The following CEP57 variants were observed in gnomAD, a reference collection of about 807,000 sequenced individuals.
The protein encoded by CEP57 is centrosomal protein of 57 kDa.
A neutral mutation model predicts 68.0 loss-of-function variants in CEP57; 40 were observed. That is an observed-to-expected ratio of 0.59 (90% CI 0.46 to 0.77). CEP57 has a LOEUF of 0.77. Ranked by LOEUF, CEP57 falls within the 30% of genes least tolerant of loss-of-function variation. CEP57 has a pLI of 0.00. For missense variants in CEP57, 606 were observed against 580.7 expected, an observed-to-expected ratio of 1.04 and a Z score of -0.45; for synonymous variants, 219 against 198.7, an observed-to-expected ratio of 1.10 and a Z score of -0.86.
chr11:95,817,280 T>C (rs1862336434), intron 4 of CEP57, among the ~76,000 whole-genome samples: 1 of 151,918 alleles, frequency 6.6e-6, no homozygotes, highest in African/African-American at 2.4e-5. Flanking sequence ...GGCAGGAGAA[T>C]GGCATGAACC....
intron 2 of CEP57, among the ~76,000 whole-genome samples, chr11:95,804,897 A>C (rs1354858136): frequency 1.3e-5 from 2 of 152,214 alleles, no homozygotes; most frequent in African/African-American, 4.8e-5. Flanking sequence ...TGTGTTTTCT[A>C]AATTATCCTC....
intron 5 of CEP57, 193 bp downstream of exon 5, chr11:95,818,096 T>A (rs77062285): frequency 3.6e-6 from 2 of 555,698 alleles, no homozygotes; most frequent in Admixed American, 3.1e-5. Context: ...CATTTTTTTT[T>A]ATGAAAATGT....
chr11:95,809,202 A>C (rs1242827876), intron 2 of CEP57, among the ~76,000 whole-genome samples: 1 of 152,230 alleles, frequency 6.6e-6, no homozygotes, highest in Non-Finnish European at 1.5e-5. Context: ...CATTCAAAGC[A>C]GTGTGTAGAG....
chr11:95,790,151 T>C, upstream of CEP57: 1 of 170,974 alleles, frequency 5.8e-6, no homozygotes, highest in Non-Finnish European at 1.3e-5. Flanking sequence ...AGGTAAATAC[T>C]TCACCTGGAG....
intron 5 of CEP57, among the ~76,000 whole-genome samples, chr11:95,818,281 G>T (rs1439377542): frequency 6.6e-6 from 1 of 151,658 alleles, no homozygotes; most frequent in South Asian, 2.1e-4. Flanking sequence ...GCATCGTGGC[G>T]CATGCCTGTA....
rs767687629 is a variant in CEP57, at chr11:95,790,697, A to C, written c.-2A>C. 6.2e-7 allele frequency: 1 copy of C among 1,613,992 alleles called. No individual in the cohort carries two copies. The highest frequency in any genetic ancestry group is 2.2e-5 in the East Asian group (1 of 44,874). ...GCGGAGACCCCCTGGGCAGGCTGAAAGATGGCGGCGGCGTCTGTCTCTGCG... is the reference window on the plus strand; with the variant it reads ...GCGGAGACCCCCTGGGCAGGCTGAACGATGGCGGCGGCGTCTGTCTCTGCG... On this transcript the variant is annotated 5_prime_UTR_variant, in exon 1 of 11. Coordinates refer to ENST00000325542, the MANE Select transcript of CEP57 (RefSeq NM_014679.5).
In CEP57 at chr11:95,832,069, C is replaced by T. The variant is rs1213317969; in HGVS notation, c.*813C>T. On this transcript the variant is annotated 3_prime_UTR_variant, in exon 11 of 11. Transcript: ENST00000325542. ...GGCATTATGGTTTTTAATCTTGAAACTTAGAGAACCCTTTGAATATTTGCT... is the reference window on the plus strand; with the variant it reads ...GGCATTATGGTTTTTAATCTTGAAATTTAGAGAACCCTTTGAATATTTGCT... 1 of 152,064 alleles carries T rather than the reference C, an allele frequency of 6.6e-6. No homozygotes were observed. Among genetic ancestry groups the T allele is most frequent in the Non-Finnish European group, 1.5e-5 (1 of 68,002 alleles). 9.4% of individuals were successfully genotyped at this position (152,064 alleles called of 1,614,324 possible). A position where few individuals can be genotyped will look rare whatever the true frequency, so the allele number is the denominator to read the frequency against.
At chr11:95,814,006 T>C (rs1862189492) in intron 4 of CEP57, among the ~76,000 whole-genome samples, 1 of 152,244 alleles carries the variant, frequency 6.6e-6, no homozygotes, top group South Asian at 2.1e-4. Flanking sequence ...TTAGGTGACC[T>C]GTACATTTGT....
chr11:95,812,897 G>A (rs376904579), intron 2 of CEP57, 35 bp from the exon 3 acceptor site: 8 of 1,597,006 alleles, frequency 5.0e-6, no homozygotes, highest in African/African-American at 2.7e-5. Context: ...CGCATATGCT[G>A]TTACAGCATC....
chr11:95,808,457 G>A (rs1464909061), intron 2 of CEP57, among the ~76,000 whole-genome samples: 3 of 152,182 alleles, frequency 2.0e-5, no homozygotes, highest in Non-Finnish European at 2.9e-5. Context: ...CCATCAGTGT[G>A]CTGTATTCAG....
chr11:95,820,351 G>GT (rs1862467957), intron 6 of CEP57, among the ~76,000 whole-genome samples: 1 of 151,990 alleles, frequency 6.6e-6, no homozygotes, highest in African/African-American at 2.4e-5. Flanking sequence ...TTTTATCATT[G>GT]TTAAAGAGTG....
intron 3 of CEP57, 152 bp from the exon 4 acceptor site, chr11:95,813,316 G>T (rs577100022): frequency 1.9e-6 from 2 of 1,047,280 alleles, no homozygotes; most frequent in South Asian, 1.5e-5. Context: ...TGACTAGCAC[G>T]TAGAAAGAAT....
chr11:95,831,129 C>T lies in CEP57; in HGVS notation c.1376C>T (p.Thr459Ile). ...NSSSRSGITGTTNKKDFMKLR... is the reference protein window; with the variant it reads ...NSSSRSGITGITNKKDFMKLR... ...AGCAGCCGTTCTGGAATCACAGGGA[C>T]CACAAATAAGAAAGATTTTATGAAA... Residue 459 changes from threonine to isoleucine, a missense_variant, in exon 11 of 11, where the codon ACC (threonine) becomes ATC (isoleucine). Thr to Ile is a moderately conservative substitution (Grantham distance 89, BLOSUM62 -1). Coordinates refer to ENST00000325542, the MANE Select transcript of CEP57 (RefSeq NM_014679.5). 1.9e-6 allele frequency: 3 copies of T among 1,613,266 alleles called. No individual in the cohort carries two copies. The highest frequency in any genetic ancestry group is 1.3e-5 in the African/African-American group (1 of 74,948).
chr11:95,822,315 C>T, intron 7 of CEP57, 184 bp from the exon 8 acceptor site: 1 of 604,806 alleles, frequency 1.7e-6, no homozygotes, highest in Non-Finnish European at 2.9e-6. Flanking sequence ...TTCCCCCCAG[C>T]CTTTCCTAGG....
chr11:95,812,887 C>A, intron 2 of CEP57, 45 bp from the exon 3 acceptor site: 2 of 1,543,510 alleles, frequency 1.3e-6, no homozygotes, highest in Non-Finnish European at 1.8e-6. Flanking sequence ...ATACTTTCTC[C>A]GCATATGCTG....
At chr11:95,809,879 C>T (rs760607046) in intron 2 of CEP57, among the ~76,000 whole-genome samples, 2 of 152,136 alleles carry the variant, frequency 1.3e-5, no homozygotes, top group African/African-American at 2.4e-5. Flanking sequence ...ATACCAAAGC[C>T]TGGCAGAGAC....
chr11:95,821,017 A>C (rs543952901), intron 6 of CEP57, among the ~76,000 whole-genome samples: 2 of 152,320 alleles, frequency 1.3e-5, no homozygotes, highest in Non-Finnish European at 2.9e-5. Flanking sequence ...TATTTGTTCT[A>C]GCTCCATTAT....
chr11:95,821,751 AAT>A, intron 6 of CEP57, 118 bp from the exon 7 acceptor site: 1 of 702,006 alleles, frequency 1.4e-6, no homozygotes, highest in Non-Finnish European at 2.6e-6. Context: ...ATACAGCTGT[AAT>A]ATGTTTTTCA....
chr11:95,831,170 A>C lies in CEP57; in HGVS notation c.1417A>C (p.Lys473Gln). Residue 473 changes from lysine to glutamine, a missense_variant, in exon 11 of 11, where the codon AAA (lysine) becomes CAA (glutamine). Lys to Gln is a moderately conservative substitution (Grantham distance 53, BLOSUM62 1). Transcript: ENST00000325542. The part of the protein sequence containing the change: ...KDFMKLRPGE[K>Q]RRKNLQLLKD... ...TTTTATGAAACTGAGACCTGGAGAA[A>C]AAAGGAGAAAAAATCTTCAGTTATT... The C allele has an allele frequency of 6.2e-7, 1 of 1,613,570 alleles. No homozygotes were observed. Among genetic ancestry groups the C allele is most frequent in the Non-Finnish European group, 8.5e-7 (1 of 1,179,658 alleles).
Sources: gnomAD v4.1 joint callset for allele counts (sites outside exome capture counted in the v4.1 genomes callset) on GRCh38, gnomAD v4.1.1 for gene constraint, MANE v1.5 for transcripts, NCBI Gene and HGNC (gene_info 2026-07-23, HGNC 2026-07-21) for gene names.